The following TECPR2 variants were observed in gnomAD, a reference collection of about 807,000 sequenced individuals.
TECPR2 encodes the protein tectonin beta-propeller repeat-containing protein 2.
TECPR2 carries 65 observed loss-of-function variants against 138.1 expected under a neutral mutation model. The ratio of observed to expected loss-of-function variants is 0.47; its 90% CI spans 0.39 to 0.58. The LOEUF is 0.58. TECPR2 is among the 20% of genes least tolerant of loss of function. The probability of loss-of-function intolerance (pLI) is 0.00; values close to 1 mark genes in which losing one functional copy is unlikely to be tolerated. For synonymous variants in TECPR2, 746 were observed against 749.8 expected (o/e 0.99, Z 0.08); for missense variants, 1,553 against 1,824.5 (o/e 0.85, Z 2.71).
At chr14:102,497,394 GCC>G (rs1891313036) in intron 18 of TECPR2, 174 bp from the exon 19 acceptor site, 1 of 1,034,410 alleles carries the variant, frequency 9.7e-7, no homozygotes, top group Admixed American at 3.3e-5. Context: ...GGCTTTGCTG[GCC>G]CTGCCAACTG....
At chr14:102,374,098 A>G (rs990161952) in intron 1 of TECPR2, among the ~76,000 whole-genome samples, 1 of 151,698 alleles carries the variant, frequency 6.6e-6, no homozygotes, top group African/African-American at 2.4e-5. Flanking sequence ...AAGAAAAGAA[A>G]TAGAATCTAA....
At chr14:102,483,361 C>G (rs1197532445) in intron 17 of TECPR2, among the ~76,000 whole-genome samples, 1 of 151,894 alleles carries the variant, frequency 6.6e-6, no homozygotes, top group African/African-American at 2.4e-5. Context: ...CCCCGCCTCT[C>G]TTGTTTTCCT....
At chr14:102,391,800 C>G (rs1023727397) in intron 2 of TECPR2, among the ~76,000 whole-genome samples, 2 of 152,112 alleles carry the variant, frequency 1.3e-5, no homozygotes, top group Non-Finnish European at 2.9e-5. Flanking sequence ...ATTGATGAGT[C>G]TTGCTCCTTT....
chr14:102,501,716 A>G lies in TECPR2; in HGVS notation c.*3459A>G, dbSNP rs138803441. ...GCATGTATACAAAAATTGCAACGAT[A>G]CAGAGATTAGCATGGCCCCTGCACA... On this transcript the variant is annotated 3_prime_UTR_variant, in exon 20 of 20. Coordinates refer to ENST00000359520, the MANE Select transcript of TECPR2 (RefSeq NM_014844.5). 174 of 152,350 alleles carry G rather than the reference A, an allele frequency of 1.1e-3. No homozygotes were observed. Among genetic ancestry groups the G allele is most frequent in the African/African-American group, 3.7e-3 (155 of 41,570 alleles). 9.4% of individuals were successfully genotyped at this position (152,350 alleles called of 1,614,324 possible). A position where few individuals can be genotyped will look rare whatever the true frequency, so the allele number is the denominator to read the frequency against.
chr14:102,498,031 T>G (rs1449465109), intron 19 of TECPR2, 72 bp from the exon 20 acceptor site: 1 of 1,565,074 alleles, frequency 6.4e-7, no homozygotes, highest in Non-Finnish European at 8.7e-7. Flanking sequence ...GCGCCCAAGC[T>G]CCCAGCTCCA....
intron 4 of TECPR2, among the ~76,000 whole-genome samples, chr14:102,411,922 T>TCA (rs1888883574): frequency 2.0e-5 from 3 of 152,004 alleles, no homozygotes; most frequent in Non-Finnish European, 4.4e-5. Flanking sequence ...TGGTAGTTGC[T>TCA]TTAAAGGTTA....
intron 7 of TECPR2, among the ~76,000 whole-genome samples, chr14:102,431,445 C>G (rs751054661): frequency 8.5e-4 from 126 of 148,908 alleles, no homozygotes; most frequent in Non-Finnish European, 1.1e-3. Flanking sequence ...CAGGTTCACA[C>G]CATTCTCCTG....
rs1555451147 is a variant in TECPR2 at position 102,431,536 on chromosome 14, G to GT, written c.1085-257dup. Among the ~76,000 whole-genome samples, 7 of 151,996 alleles carry GT rather than the reference G, an allele frequency of 4.6e-5. No homozygotes were observed. In the East Asian group the frequency reaches 1.4e-3, roughly 29 times the overall value. On this transcript the variant is annotated intron_variant, in intron 7 of 19. Transcript: ENST00000359520. ...TTTTTGTATTTTTAGTAGAGACGGG[G>GT]TTTCACTGTGTTAGCCAGGATGGTC...
chr14:102,394,892 C>T (rs1309620441), intron 2 of TECPR2, among the ~76,000 whole-genome samples: 2 of 152,148 alleles, frequency 1.3e-5, no homozygotes, highest in East Asian at 3.8e-4. Flanking sequence ...CCCTTACTTA[C>T]CTTAGCCTGA....
chr14:102,398,748 G>A lies in TECPR2; in HGVS notation c.220-8590G>A, dbSNP rs553693365. On this transcript the variant is annotated intron_variant, in intron 2 of 19. Coordinates refer to ENST00000359520, the MANE Select transcript of TECPR2 (RefSeq NM_014844.5). The stretch of plus-strand genomic sequence containing the variant: ...CATTTGCCTGTAGTCTCAGGTCCTC[G>A]GGAGGCTAAGGTGGGAAAATTGCTT... 2.8e-3 allele frequency among the ~76,000 whole-genome samples: 429 copies of A among 152,104 alleles called. 1 individual carries two copies. The highest frequency in any genetic ancestry group is 9.6e-3 in the African/African-American group (398 of 41,492).
At chr14:102,448,934 G>A (rs912884226) in intron 13 of TECPR2, among the ~76,000 whole-genome samples, 4 of 151,742 alleles carry the variant, frequency 2.6e-5, no homozygotes, top group Admixed American at 1.3e-4. Flanking sequence ...TCTAAGTACC[G>A]TATACTGTTG....
chr14:102,485,491 A>C (rs1293499553), intron 17 of TECPR2, among the ~76,000 whole-genome samples: 1 of 152,086 alleles, frequency 6.6e-6, no homozygotes, highest in Non-Finnish European at 1.5e-5. Context: ...CACCATATTG[A>C]ACTCTAAGTC....
At chr14:102,459,715 C>T (rs887890356) in intron 16 of TECPR2, among the ~76,000 whole-genome samples, 1 of 152,176 alleles carries the variant, frequency 6.6e-6, no homozygotes, top group African/African-American at 2.4e-5. Flanking sequence ...TTACAAAGAT[C>T]ATGCCATTGT....
chr14:102,444,949 AACAG>A (rs890524774), intron 12 of TECPR2, among the ~76,000 whole-genome samples: 4 of 152,226 alleles, frequency 2.6e-5, no homozygotes, highest in South Asian at 4.1e-4. Flanking sequence ...CATCTCAAAA[AACAG>A]ACAGACAAAA....
At chr14:102,397,465 C>CGCTG (rs1888344831) in intron 2 of TECPR2, among the ~76,000 whole-genome samples, 1 of 152,060 alleles carries the variant, frequency 6.6e-6, no homozygotes, top group African/African-American at 2.4e-5. Context: ...GAAGATGTGG[C>CGCTG]GCTGGGGGCG....
intron 6 of TECPR2, among the ~76,000 whole-genome samples, chr14:102,425,883 G>GTTTT (rs71470206): frequency 8.8e-6 from 1 of 113,656 alleles, no homozygotes; most frequent in Non-Finnish European, 1.8e-5. Flanking sequence ...TTTTTTTTTT[G>GTTTT]TTTTTTTTTT....
In TECPR2 at chr14:102,449,798, G is replaced by C. The variant is rs1410977578; in HGVS notation, c.3245G>C (p.Gly1082Ala). Reference sequence around the variant, plus strand: ...CTTCAGTGCCAGCCAAGCCTTCTCGGGGTCAATAACAGCGGTGTCTGGATC... The same window carrying C: ...CTTCAGTGCCAGCCAAGCCTTCTCGCGGTCAATAACAGCGGTGTCTGGATC... The part of the protein sequence containing the change: ...QQLQCQPSLL[G>A]VNNSGVWISS... Residue 1082 changes from glycine (G) to alanine (A), a missense_variant, in exon 14 of 20, where the codon GGG (glycine) becomes GCG (alanine). Physicochemically the swap from Gly to Ala is moderately conservative, Grantham distance 60. Transcript: ENST00000359520. 7 of 1,614,020 alleles carry C rather than the reference G, an allele frequency of 4.3e-6. No individual in the cohort carries two copies. The highest frequency in any genetic ancestry group is 2.2e-5 in the East Asian group (1 of 44,902).
intron 11 of TECPR2, among the ~76,000 whole-genome samples, chr14:102,441,506 G>A (rs1215000213): frequency 1.3e-5 from 2 of 148,400 alleles, no homozygotes; most frequent in African/African-American, 5.0e-5. Flanking sequence ...GTGAAACTCT[G>A]TCTCTACTAA....
Position 102,443,971 on chromosome 14 carries a change from G to C in TECPR2, c.2933+144G>C, listed in dbSNP as rs1889903724. ...GGCTATAGGCTAAGCTTGAATCTCT[G>C]CCTAATTCTGACCGGCAAACTGGAC... is the stretch of plus-strand genomic sequence containing the variant. On this transcript the variant is annotated intron_variant, in intron 12 of 19. Transcript: ENST00000359520. The surrounding 1 kb of genome is among the most constrained non-coding windows in gnomAD (Gnocchi z 4.9). The C allele has an allele frequency of 8.7e-6, 7 of 804,324 alleles. No individual in the cohort carries two copies. The highest frequency in any genetic ancestry group is 1.3e-5 in the Non-Finnish European group (7 of 557,744). 49.8% of individuals were successfully genotyped at this position (804,324 alleles called of 1,614,324 possible).
Sources: allele counts gnomAD v4.1 joint callset (sites outside exome capture counted in the v4.1 genomes callset), GRCh38; gene constraint gnomAD v4.1.1; non-coding constraint Gnocchi (gnomAD v3.1); transcripts MANE v1.5; gene names NCBI Gene and HGNC (gene_info 2026-07-23, HGNC 2026-07-21).